ITGBL1: variants seen among roughly 807,000 people sequenced by gnomAD.
The protein encoded by ITGBL1 is integrin subunit beta like 1, also known as integrin beta-like protein 1.
Under a neutral mutation model 68.5 loss-of-function variants are expected in ITGBL1, and 51 were observed. The observed-to-expected ratio is 0.74, with a 90% CI of 0.59 to 0.94. The LOEUF (loss-of-function observed/expected upper bound fraction) is 0.94. Among genes scored for constraint, ITGBL1 ranks in the 40% least tolerant of loss-of-function variants. The pLI is 0.00. For missense variants in ITGBL1, 649 were observed against 647.4 expected (o/e 1.00, Z -0.03); for synonymous variants, 209 against 227.3 (o/e 0.92, Z 0.72).
chr13:101,480,898 T>C (rs1025438974), intron 2 of ITGBL1, among the ~76,000 whole-genome samples: 1 of 151,802 alleles, frequency 6.6e-6, no homozygotes, highest in Non-Finnish European at 1.5e-5. Context: ...ATCATGGACA[T>C]TTTGCTTGCC....
Position 101,467,187 on chromosome 13 carries a change from G to A in ITGBL1, c.316+13087G>A, listed in dbSNP as rs75717121. Among the ~76,000 whole-genome samples, 387 of 152,200 alleles carry A rather than the reference G, an allele frequency of 2.5e-3. 13 individuals carry two copies. The East Asian group carries it at 0.068, about 27-fold the overall frequency. ...CTTAATACTGTCACGTTGGGGATTAGGTTCCAAAATATGGGTCAATATTTA... is the reference window on the plus strand; with the variant it reads ...CTTAATACTGTCACGTTGGGGATTAAGTTCCAAAATATGGGTCAATATTTA... On this transcript the variant is annotated intron_variant, in intron 2 of 10. Transcript: ENST00000376180.
chr13:101,668,201 A>G (rs960628035), intron 7 of ITGBL1, among the ~76,000 whole-genome samples: 4 of 152,176 alleles, frequency 2.6e-5, no homozygotes, highest in Admixed American at 2.6e-4. Flanking sequence ...CAGCCTGACC[A>G]ACATGGTGAA....
At chr13:101,692,988 A>G (rs1383330617) in intron 8 of ITGBL1, 1 of 264,676 alleles carries the variant, frequency 3.8e-6, no homozygotes, top group Non-Finnish European at 7.2e-6. Flanking sequence ...GGGGCAAGTC[A>G]GCATTTTAAC....
chr13:101,707,435 A>G (rs1041574890), intron 9 of ITGBL1, among the ~76,000 whole-genome samples: 1 of 151,968 alleles, frequency 6.6e-6, no homozygotes, highest in South Asian at 2.1e-4. Flanking sequence ...TTTAAAAAGG[A>G]AAGAAAAGCT....
At chr13:101,594,250 C>A (rs1236589151) in intron 6 of ITGBL1, among the ~76,000 whole-genome samples, 1 of 151,998 alleles carries the variant, frequency 6.6e-6, no homozygotes, top group Non-Finnish European at 1.5e-5. Context: ...ACCAGTGGAA[C>A]AGAATAGACA....
intron 7 of ITGBL1, among the ~76,000 whole-genome samples, chr13:101,670,727 G>C (rs1342227283): frequency 6.6e-6 from 1 of 152,164 alleles, no homozygotes; most frequent in Non-Finnish European, 1.5e-5. Flanking sequence ...AAATTCTGAA[G>C]GATGTGTCTC....
At chr13:101,569,097 C>T (rs2050230783) in intron 3 of ITGBL1, among the ~76,000 whole-genome samples, 1 of 146,660 alleles carries the variant, frequency 6.8e-6, no homozygotes. Context: ...TCATAACACC[C>T]ACCCCTCCAT....
At chr13:101,585,436 C>G (rs1566743089) in intron 6 of ITGBL1, among the ~76,000 whole-genome samples, 1 of 152,050 alleles carries the variant, frequency 6.6e-6, no homozygotes, top group South Asian at 2.1e-4. Context: ...TTGACAATAC[C>G]ATTTTCTTTT....
At chr13:101,551,803 A>G (rs1161887622) in intron 2 of ITGBL1, among the ~76,000 whole-genome samples, 1 of 152,218 alleles carries the variant, frequency 6.6e-6, no homozygotes. Flanking sequence ...TGGTATGCCA[A>G]TGCAAAAGGA....
At chr13:101,509,155 A>G (rs2049073773) in intron 2 of ITGBL1, among the ~76,000 whole-genome samples, 1 of 152,146 alleles carries the variant, frequency 6.6e-6, no homozygotes, top group Non-Finnish European at 1.5e-5. Flanking sequence ...GAAGGCAAGG[A>G]GGAGCAAGTC....
At chr13:101,638,107 G>T (rs1378950955) in intron 7 of ITGBL1, among the ~76,000 whole-genome samples, 1 of 152,146 alleles carries the variant, frequency 6.6e-6, no homozygotes, top group Non-Finnish European at 1.5e-5. Context: ...CACAACTGCA[G>T]AGTTTTTTGA....
intron 7 of ITGBL1, among the ~76,000 whole-genome samples, chr13:101,684,761 T>G (rs1422687115): frequency 6.6e-6 from 1 of 151,978 alleles, no homozygotes; most frequent in East Asian, 1.9e-4. Flanking sequence ...AAATTTATCT[T>G]TCTCTTATTC....
intron 7 of ITGBL1, among the ~76,000 whole-genome samples, chr13:101,672,809 G>T (rs570610456): frequency 4.6e-5 from 7 of 152,168 alleles, no homozygotes; most frequent in African/African-American, 1.4e-4. Flanking sequence ...TTCCATGTGT[G>T]CGTGTCCATG....
chr13:101,546,825 A>G (rs759975056), intron 2 of ITGBL1, among the ~76,000 whole-genome samples: 27 of 152,034 alleles, frequency 1.8e-4, no homozygotes, highest in Non-Finnish European at 3.8e-4. Context: ...TTAAACTATC[A>G]GGAATTAAAT....
intron 2 of ITGBL1, among the ~76,000 whole-genome samples, chr13:101,467,410 G>A (rs1046657316): frequency 2.1e-4 from 32 of 152,276 alleles, no homozygotes; most frequent in African/African-American, 6.3e-4. Context: ...TTACCAGGGC[G>A]TTTTTGGGAC....
chr13:101,506,962 T>A (rs145802462), intron 2 of ITGBL1, among the ~76,000 whole-genome samples: 1 of 151,990 alleles, frequency 6.6e-6, no homozygotes, highest in Non-Finnish European at 1.5e-5. Context: ...AAAGGAAATA[T>A]AAAGACATTG....
At chr13:101,563,612 A>G (rs2050134595) in intron 2 of ITGBL1, among the ~76,000 whole-genome samples, 1 of 151,836 alleles carries the variant, frequency 6.6e-6, no homozygotes, top group Non-Finnish European at 1.5e-5. Context: ...GAAATAGATG[A>G]CTTGAATAGC....
chr13:101,544,745 C>G (rs181399746), intron 2 of ITGBL1, among the ~76,000 whole-genome samples: 2 of 152,162 alleles, frequency 1.3e-5, no homozygotes, highest in Non-Finnish European at 2.9e-5. Context: ...TCTCAAGCCT[C>G]GGCAATGGCG....
chr13:101,708,006 TC>T (rs750627390), intron 9 of ITGBL1, among the ~76,000 whole-genome samples: 17 of 149,620 alleles, frequency 1.1e-4, no homozygotes, highest in Non-Finnish European at 2.4e-4. Context: ...CTTCTCCATC[TC>T]CCATCCTACA....
Sources: allele counts gnomAD v4.1 joint callset (sites outside exome capture counted in the v4.1 genomes callset), GRCh38; gene constraint gnomAD v4.1.1; transcripts MANE v1.5; gene names NCBI Gene and HGNC (gene_info 2026-07-23, HGNC 2026-07-21).